Variants in URI1 observed in about 807,000 individuals in gnomAD.
URI1 encodes unconventional prefoldin RPB5 interactor 1.
URI1 carries 39 observed loss-of-function variants against 60.2 expected under a neutral mutation model. The ratio of observed to expected loss-of-function variants is 0.65; its 90% CI spans 0.50 to 0.85. The LOEUF (loss-of-function observed/expected upper bound fraction) is 0.85, where lower values mean the gene tolerates loss of function less well. Among genes scored for constraint, URI1 ranks in the 40% least tolerant of loss-of-function variants. URI1 has a pLI of 0.00. For missense variants in URI1, 691 were observed against 665.9 expected, an observed-to-expected ratio of 1.04 and a Z score of -0.42; for synonymous variants, 251 against 236.8, an observed-to-expected ratio of 1.06 and a Z score of -0.55.
chr19:29,924,661 C>T (rs902184379), intron 1 of URI1, among the ~76,000 whole-genome samples: 4 of 152,100 alleles, frequency 2.6e-5, no homozygotes, highest in African/African-American at 9.7e-5. Context: ...CAAGTGATAC[C>T]GGGACTGATG....
intron 4 of URI1, among the ~76,000 whole-genome samples, chr19:29,993,987 T>C (rs901310837): frequency 1.3e-5 from 2 of 152,204 alleles, no homozygotes; most frequent in African/African-American, 4.8e-5. Flanking sequence ...GCCAGTCCTT[T>C]ACTGATAGGC....
chr19:29,972,495 G>A (rs2055472285), intron 2 of URI1, among the ~76,000 whole-genome samples: 1 of 152,020 alleles, frequency 6.6e-6, no homozygotes, highest in South Asian at 2.1e-4. Context: ...TATTGGTTTT[G>A]GTAAGAAGTT....
intron 9 of URI1, 25 bp from the exon 10 acceptor site, chr19:30,012,260 T>C: frequency 1.3e-6 from 2 of 1,595,922 alleles, no homozygotes; most frequent in Non-Finnish European, 1.7e-6. Context: ...GTATAGTGAA[T>C]GCATATGTGT....
At chr19:29,983,647 G>A (rs953406596) in intron 2 of URI1, among the ~76,000 whole-genome samples, 12 of 152,156 alleles carry the variant, frequency 7.9e-5, no homozygotes, top group African/African-American at 2.7e-4. Flanking sequence ...ATTCAGTGCT[G>A]TAGTTTTGCT....
At chr19:29,999,394 T>C (rs1434785423) in intron 4 of URI1, among the ~76,000 whole-genome samples, 1 of 152,122 alleles carries the variant, frequency 6.6e-6, no homozygotes, top group African/African-American at 2.4e-5. Context: ...TATCTGGGAA[T>C]ATCTTAAATT....
chr19:29,935,501 TTC>T (rs1206274703), intron 1 of URI1, among the ~76,000 whole-genome samples: 2 of 152,162 alleles, frequency 1.3e-5, no homozygotes, highest in African/African-American at 4.8e-5. Context: ...TTTATCAGTG[TTC>T]TTTTTTTTTC....
At chr19:30,005,327 A>G in intron 4 of URI1, 34 bp from the exon 5 acceptor site, 1 of 1,277,390 alleles carries the variant, frequency 7.8e-7, no homozygotes, top group South Asian at 1.3e-5. Context: ...TATATATGCC[A>G]TGCTTTACAT....
At chr19:30,012,233 T>G (rs2056029928) in intron 9 of URI1, 52 bp from the exon 10 acceptor site, 2 of 1,505,878 alleles carry the variant, frequency 1.3e-6, no homozygotes, top group African/African-American at 2.8e-5. Context: ...AAAGTTGTTC[T>G]CAGTTTTATG....
intron 1 of URI1, among the ~76,000 whole-genome samples, chr19:29,929,905 C>T (rs1478194869): frequency 1.3e-5 from 2 of 150,146 alleles, no homozygotes; most frequent in Non-Finnish European, 3.0e-5. Context: ...TCTTCTCGTT[C>T]TGTGTGTTAT....
At chr19:29,998,554 G>A (rs2145414235) in intron 4 of URI1, among the ~76,000 whole-genome samples, 1 of 152,224 alleles carries the variant, frequency 6.6e-6, no homozygotes, top group African/African-American at 2.4e-5. Context: ...TTTTATCAGT[G>A]TGAAATATCC....
At chr19:29,959,367 A>G (rs2055292646) in intron 1 of URI1, among the ~76,000 whole-genome samples, 1 of 152,156 alleles carries the variant, frequency 6.6e-6, no homozygotes, top group East Asian at 1.9e-4. Flanking sequence ...GGATCAAGCT[A>G]TCCATCTGCC....
intron 2 of URI1, among the ~76,000 whole-genome samples, chr19:29,981,040 C>CT (rs1254379253): frequency 6.6e-6 from 1 of 150,662 alleles, no homozygotes; most frequent in Non-Finnish European, 1.5e-5. Context: ...TTTTATCTCC[C>CT]TTTTTTATTA....
chr19:29,991,440 GAATTAACATTGTAT>G (rs2145393607), intron 4 of URI1, among the ~76,000 whole-genome samples: 1 of 152,242 alleles, frequency 6.6e-6, no homozygotes, highest in African/African-American at 2.4e-5. Flanking sequence ...TTTTAAAAAA[GAATTAACATTGTAT>G]CCTCCATTCA....
chr19:29,997,406 G>A (rs1305213875), intron 4 of URI1, among the ~76,000 whole-genome samples: 1 of 151,954 alleles, frequency 6.6e-6, no homozygotes, highest in Non-Finnish European at 1.5e-5. Flanking sequence ...ACTTTTGTTT[G>A]TGATTTTAGT....
At chr19:29,957,743 TAA>T (rs1216084972) in intron 1 of URI1, among the ~76,000 whole-genome samples, 2 of 152,196 alleles carry the variant, frequency 1.3e-5, no homozygotes, top group African/African-American at 2.4e-5. Flanking sequence ...TTTACAATAT[TAA>T]GTTTTAAAAT....
intron 1 of URI1, among the ~76,000 whole-genome samples, chr19:29,930,174 A>T (rs899104531): frequency 6.6e-6 from 1 of 152,002 alleles, no homozygotes; most frequent in Non-Finnish European, 1.5e-5. Context: ...CCTGACCTCA[A>T]GTGATCTGCC....
rs1163025785 is a variant in URI1 at position 29,942,304 on chromosome 19, C to T, written c.-244C>T. On this transcript the variant is annotated 5_prime_UTR_variant, in exon 1 of 11. Coordinates refer to ENST00000392271, the MANE Select transcript of URI1 (RefSeq NM_003796.3). ...CCGCACCGGAGAGGCGTCTCGGTACCTGGCAGGCGGCCTGCTACTCGGAGC... is the reference window on the plus strand; with the variant it reads ...CCGCACCGGAGAGGCGTCTCGGTACTTGGCAGGCGGCCTGCTACTCGGAGC... 5 of 985,266 alleles carry T rather than the reference C, an allele frequency of 5.1e-6. No individual in the cohort carries two copies. The highest frequency in any genetic ancestry group is 4.5e-5 in the South Asian group (1 of 22,090). The allele number at this position is 985,266 out of a possible 1,614,324, so 61.0% of individuals were successfully genotyped here.
At chr19:29,989,983 C>A (rs975874320) in intron 4 of URI1, among the ~76,000 whole-genome samples, 1 of 151,778 alleles carries the variant, frequency 6.6e-6, no homozygotes, top group African/African-American at 2.4e-5. Context: ...TGAAGATTTT[C>A]TTCTGTGTTT....
At chr19:29,988,779 T>C (rs1483878294) in intron 4 of URI1, among the ~76,000 whole-genome samples, 2 of 152,226 alleles carry the variant, frequency 1.3e-5, no homozygotes, top group Non-Finnish European at 2.9e-5. Context: ...ACATACATTT[T>C]TATTGCTGTT....
Sources: allele counts gnomAD v4.1 joint callset (sites outside exome capture counted in the v4.1 genomes callset), GRCh38; gene constraint gnomAD v4.1.1; transcripts MANE v1.5; gene names NCBI Gene and HGNC (gene_info 2026-07-23, HGNC 2026-07-21).